The following DISP3 variants were observed in gnomAD, a reference collection of about 807,000 sequenced individuals.
DISP3 encodes dispatched RND transporter family member 3.
A neutral mutation model predicts 135.3 loss-of-function variants in DISP3; 101 were observed. The observed-to-expected ratio is 0.75, with a 90% CI of 0.64 to 0.88. The LOEUF (loss-of-function observed/expected upper bound fraction) is 0.88. DISP3 is among the 40% of genes least tolerant of loss of function. The probability of loss-of-function intolerance (pLI) is 0.00; values close to 1 mark genes in which losing one functional copy is unlikely to be tolerated. For missense variants in DISP3, 1,713 were observed against 1,878.6 expected, an observed-to-expected ratio of 0.91 and a Z score of 1.63; for synonymous variants, 856 against 817.0, an observed-to-expected ratio of 1.05 and a Z score of -0.81.
rs1054195775 is a variant in DISP3 at position 11,533,700 on chromosome 1, G to T, written c.3376-681G>T. 2.0e-4 allele frequency: 135 copies of T among 687,800 alleles called. No homozygotes were observed. In the Admixed American group the frequency reaches 2.7e-3, roughly 14 times the overall value. 42.6% of individuals were successfully genotyped at this position (687,800 alleles called of 1,614,324 possible). ...AGGCTCACCACACGGCAAGGTGCCC[G>T]CTTCCAAGCTGACCCCACCAGCACT... On this transcript the variant is annotated intron_variant, in intron 17 of 20. Transcript: ENST00000294484.
Position 11,519,347 on chromosome 1 carries a change from C to T in DISP3, c.1890-8C>T, listed in dbSNP as rs1023675867. 6.2e-7 allele frequency: 1 copy of T among 1,613,478 alleles called. No individual in the cohort carries two copies. On this transcript the variant is annotated splice_polypyrimidine_tract_variant and splice_region_variant and intron_variant, in intron 7 of 20. Transcript: ENST00000294484. The surrounding 1 kb of genome is among the most constrained non-coding windows in gnomAD (Gnocchi z 4.3). ...CTGGTTCACCCCTGTCCCCTACTCT[C>T]TCCACAGCTGCCACCAGAATTGCAG...
chr1:11,533,733 G>A (rs1642631661), intron 17 of DISP3: 2 of 711,160 alleles, frequency 2.8e-6, no homozygotes, highest in Non-Finnish European at 5.2e-6. Context: ...ACTCAGACAC[G>A]CATGCACACA....
rs1019429530 is a variant in DISP3 at position 11,515,567 on chromosome 1, C to G, written c.1588+64C>G. 1.4e-5 allele frequency: 22 copies of G among 1,543,252 alleles called. No individual in the cohort carries two copies. In the Admixed American group the frequency reaches 3.8e-4, roughly 26 times the overall value. ...ATGGGAAGTCTGCCCCATCCCCTTTCTCCCTGGATACAAAGCCTGGCTTCC... is the reference window on the plus strand; with the variant it reads ...ATGGGAAGTCTGCCCCATCCCCTTTGTCCCTGGATACAAAGCCTGGCTTCC... On this transcript the variant is annotated intron_variant, in intron 5 of 20. Coordinates refer to ENST00000294484, the MANE Select transcript of DISP3 (RefSeq NM_020780.2).
chr1:11,490,158 GC>G (rs1306062388), intron 1 of DISP3, among the ~76,000 whole-genome samples: 1 of 152,186 alleles, frequency 6.6e-6, no homozygotes, highest in African/African-American at 2.4e-5. Flanking sequence ...ATTGGCCAAG[GC>G]CTGCAGTGAG....
chr1:11,526,525 C>T, intron 12 of DISP3, 126 bp from the exon 13 acceptor site: 1 of 1,126,338 alleles, frequency 8.9e-7, no homozygotes, highest in East Asian at 2.4e-5. Flanking sequence ...AGGGCTCTGT[C>T]CCCAACTCCG....
At position 11,501,047 on chromosome 1, in the gene DISP3, G is replaced by T; in HGVS notation, c.55G>T (p.Glu19Ter). The T allele has an allele frequency of 6.2e-7, 1 of 1,614,148 alleles. No individual in the cohort carries two copies. The highest frequency in any genetic ancestry group is 2.2e-5 in the East Asian group (1 of 44,882). ...LQDVWLEEEQ[E>*]EEEATGETFL... ...GGATGTGTGGCTAGAGGAGGAGCAG[G>T]AGGAGGAAGAAGCAACGGGTGAAAC... The change falls in exon 2 of 21, where the codon GAG becomes TAG. Residue 19 changes from glutamate (E) to a stop codon, truncating the protein, a stop_gained. Coordinates refer to ENST00000294484, the MANE Select transcript of DISP3 (RefSeq NM_020780.2). LOFTEE classifies it high-confidence loss of function. The surrounding 1 kb of genome is among the most constrained non-coding windows in gnomAD (Gnocchi z 4.9).
At chr1:11,522,782 G>GCCCAGCCAGA (rs1642267030) in intron 10 of DISP3, among the ~76,000 whole-genome samples, 2 of 19,718 alleles carry the variant, frequency 1.0e-4, no homozygotes, top group Admixed American at 5.0e-4. Flanking sequence ...ACCCAGCCAG[G>GCCCAGCCAGA]GCCCAGCCAG....
At chr1:11,490,222 C>A (rs1173706738) in intron 1 of DISP3, among the ~76,000 whole-genome samples, 1 of 152,174 alleles carries the variant, frequency 6.6e-6, no homozygotes, top group African/African-American at 2.4e-5. Context: ...GGAACCTGGT[C>A]ATATTTCACA....
At chr1:11,504,951 T>C (rs1641655484) in intron 3 of DISP3, among the ~76,000 whole-genome samples, 1 of 152,262 alleles carries the variant, frequency 6.6e-6, no homozygotes, top group Non-Finnish European at 1.5e-5. Flanking sequence ...ACACAGACTT[T>C]GGAGTCAGAT....
At chr1:11,527,866 C>A (rs35866514) in intron 13 of DISP3, among the ~76,000 whole-genome samples, 1 of 152,140 alleles carries the variant, frequency 6.6e-6, no homozygotes, top group Non-Finnish European at 1.5e-5. Flanking sequence ...GGCTGTCCCT[C>A]TCCAAGTGCC....
intron 11 of DISP3, 124 bp from the exon 12 acceptor site, chr1:11,525,052 T>G: frequency 2.5e-5 from 31 of 1,215,776 alleles, no homozygotes; most frequent in Non-Finnish European, 3.2e-5. Flanking sequence ...GCCAGCATTT[T>G]GAGATGAGCC....
At position 11,529,903 on chromosome 1, in the gene DISP3, G is replaced by T; in HGVS notation, c.3046G>T (p.Gly1016Cys). The change falls in exon 15 of 21, where the codon GGC becomes TGC. Residue 1016 changes from glycine (G) to cysteine (C), a missense_variant. Physicochemically the swap from Gly to Cys is radical, Grantham distance 159. Transcript: ENST00000294484. The surrounding 1 kb of genome is among the most constrained non-coding windows in gnomAD (Gnocchi z 4.7). The stretch of plus-strand genomic sequence containing the variant: ...CGGGGCCATGGTCTTTGTGGTCTTC[G>T]GCATTATTGGCGTCAACCGCACTCG... Reference protein sequence around the residue: ...DTGAMVFVVFGIIGVNRTRQV... With the variant: ...DTGAMVFVVFCIIGVNRTRQV... 1 of 1,613,946 alleles carries T rather than the reference G, an allele frequency of 6.2e-7. No homozygotes were observed. Among genetic ancestry groups the T allele is most frequent in the Non-Finnish European group, 8.5e-7 (1 of 1,180,034 alleles).
intron 1 of DISP3, among the ~76,000 whole-genome samples, chr1:11,498,189 G>A (rs1471974576): frequency 6.6e-6 from 1 of 152,246 alleles, no homozygotes; most frequent in African/African-American, 2.4e-5. Context: ...GTGCAGAGAT[G>A]TATAATAACT....
chr1:11,524,655 C>G (rs1373814727), intron 11 of DISP3, among the ~76,000 whole-genome samples: 5 of 133,234 alleles, frequency 3.8e-5, no homozygotes, highest in Non-Finnish European at 8.0e-5. Flanking sequence ...CCTACCCCAT[C>G]CCTGTGCCCA....
intron 2 of DISP3, 88 bp from the exon 3 acceptor site, chr1:11,502,590 G>A: frequency 9.6e-7 from 1 of 1,046,066 alleles, no homozygotes; most frequent in Non-Finnish European, 1.4e-6. Context: ...CTGGGAGGCA[G>A]GGCTGCAATG....
intron 1 of DISP3, among the ~76,000 whole-genome samples, chr1:11,482,438 G>A (rs1003614548): frequency 1.3e-5 from 2 of 152,132 alleles, no homozygotes; most frequent in Non-Finnish European, 2.9e-5. Context: ...ATAGCCCTAT[G>A]AGCTGGGGAT....
At position 11,515,508 on chromosome 1, in the gene DISP3, G is replaced by A. The variant is rs370264076; in HGVS notation, c.1588+5G>A. 9.4e-6 allele frequency: 15 copies of A among 1,598,114 alleles called. No individual in the cohort carries two copies. On this transcript the variant is annotated splice_donor_5th_base_variant and intron_variant, in intron 5 of 20. Coordinates refer to ENST00000294484, the MANE Select transcript of DISP3 (RefSeq NM_020780.2). The stretch of plus-strand genomic sequence containing the variant: ...CCTTCGTGATCGTGGGCATTGGTGA[G>A]TCGCCTCTGTTGTCATGGCAGTGCG...
intron 3 of DISP3, among the ~76,000 whole-genome samples, chr1:11,510,741 G>A (rs1234200366): frequency 1.3e-5 from 2 of 152,140 alleles, no homozygotes; most frequent in East Asian, 1.9e-4. Flanking sequence ...GGCCAAAGTG[G>A]GAGGATTGCT....
chr1:11,483,741 A>G lies in DISP3; in HGVS notation c.-4+4369A>G, dbSNP rs2100349848. On this transcript the variant is annotated intron_variant, in intron 1 of 20. Coordinates refer to ENST00000294484, the MANE Select transcript of DISP3 (RefSeq NM_020780.2). This position sits in a 1 kb window ranked among gnomAD's most constrained non-coding sequence, Gnocchi z 5.4. The stretch of plus-strand genomic sequence containing the variant: ...CTGGGCTGGGTACTCAAGGCTTCTG[A>G]GCCATGGCTGGGCCGGAGCTGAGTC... 6.6e-6 allele frequency among the ~76,000 whole-genome samples: 1 copy of G among 152,300 alleles called. No homozygotes were observed. Among genetic ancestry groups the G allele is most frequent in the African/African-American group, 2.4e-5 (1 of 41,564 alleles).
Sources: gnomAD v4.1 joint callset for allele counts (sites outside exome capture counted in the v4.1 genomes callset) on GRCh38, gnomAD v4.1.1 for gene constraint, Gnocchi (gnomAD v3.1) non-coding constraint, MANE v1.5 for transcripts, NCBI Gene and HGNC (gene_info 2026-07-23, HGNC 2026-07-21) for gene names.